The following ABTB3 variants were observed in gnomAD, a reference collection of about 807,000 sequenced individuals.
ABTB3 encodes the protein ankyrin repeat- and BTB/POZ domain-containing protein 3.
chr12:107,441,155 G>A, the ABTB3 span, among the ~76,000 whole-genome samples: 1,919 of 152,250 alleles, frequency 0.013, 17 homozygotes, highest in Non-Finnish European at 0.018. Flanking sequence ...GTGGCCACAC[G>A]CACGCACATA....
the ABTB3 span, chr12:107,544,050 G>T: frequency 6.2e-7 from 1 of 1,614,046 alleles, no homozygotes; most frequent in Non-Finnish European, 8.5e-7. Flanking sequence ...CCGAGGCCCT[G>T]TACACCCTTT....
chr12:107,610,385 C>G, the ABTB3 span: 2 of 1,608,268 alleles, frequency 1.2e-6, no homozygotes, highest in Non-Finnish European at 1.7e-6. Flanking sequence ...GAACAGGCTC[C>G]CCACCTCCTC....
At chr12:107,404,728 C>T in the ABTB3 span, among the ~76,000 whole-genome samples, 1 of 152,146 alleles carries the variant, frequency 6.6e-6, no homozygotes, top group Non-Finnish European at 1.5e-5. Context: ...GGTGCTTTTT[C>T]ACTGCCACAG....
chr12:107,649,585 T>C, the ABTB3 span: 1 of 366,282 alleles, frequency 2.7e-6, no homozygotes, highest in Non-Finnish European at 5.1e-6. Flanking sequence ...AGGGAAGGAA[T>C]TTGACTGAAA....
the ABTB3 span, among the ~76,000 whole-genome samples, chr12:107,487,675 T>C: frequency 1.3e-5 from 2 of 152,188 alleles, no homozygotes; most frequent in Non-Finnish European, 2.9e-5. Context: ...CCAGTAGGGT[T>C]GATCTTCAAG....
chr12:107,525,555 G>T, the ABTB3 span, among the ~76,000 whole-genome samples: 6 of 152,082 alleles, frequency 3.9e-5, no homozygotes, highest in Non-Finnish European at 1.5e-5. Flanking sequence ...AGTAGGCTCT[G>T]CCCCTAGGTT....
the ABTB3 span, among the ~76,000 whole-genome samples, chr12:107,483,376 G>T: frequency 2.0e-5 from 3 of 152,152 alleles, no homozygotes; most frequent in African/African-American, 7.2e-5. Flanking sequence ...TAGTTTTCCT[G>T]TAGGGAATAT....
At chr12:107,538,100 G>A in the ABTB3 span, among the ~76,000 whole-genome samples, 168 of 152,096 alleles carry the variant, frequency 1.1e-3, 2 homozygotes, top group African/African-American at 3.9e-3. Context: ...ACCAACAGAT[G>A]CCAGTGGAAG....
At chr12:107,358,643 G>A in the ABTB3 span, among the ~76,000 whole-genome samples, 3 of 152,108 alleles carry the variant, frequency 2.0e-5, no homozygotes, top group South Asian at 6.2e-4. Flanking sequence ...CACCCAGGCT[G>A]CAGTGCAGTG....
the ABTB3 span, among the ~76,000 whole-genome samples, chr12:107,571,649 A>G: frequency 6.6e-6 from 1 of 152,256 alleles, no homozygotes; most frequent in African/African-American, 2.4e-5. Context: ...AGCCTCACAC[A>G]GAGTCTGTGG....
the ABTB3 span, among the ~76,000 whole-genome samples, chr12:107,645,175 C>G: frequency 1.3e-5 from 2 of 152,128 alleles, no homozygotes; most frequent in Non-Finnish European, 2.9e-5. Flanking sequence ...CCATGTCGGC[C>G]AGGCTGGTCT....
At chr12:107,546,787 C>G in the ABTB3 span, among the ~76,000 whole-genome samples, 1 of 152,162 alleles carries the variant, frequency 6.6e-6, no homozygotes, top group Non-Finnish European at 1.5e-5. Context: ...ATCGCTTGAA[C>G]CCAGGAGGCG....
the ABTB3 span, among the ~76,000 whole-genome samples, chr12:107,503,868 G>T: frequency 1.3e-5 from 2 of 152,060 alleles, no homozygotes; most frequent in Non-Finnish European, 2.9e-5. Context: ...AAGGCTTCTT[G>T]GGGTGGAAGG....
chr12:107,357,062 G>A, the ABTB3 span, among the ~76,000 whole-genome samples: 3 of 152,222 alleles, frequency 2.0e-5, no homozygotes, highest in Admixed American at 1.3e-4. Flanking sequence ...GAGGAATCTC[G>A]TGAATTACAG....
At chr12:107,365,309 T>C in the ABTB3 span, among the ~76,000 whole-genome samples, 1 of 152,234 alleles carries the variant, frequency 6.6e-6, no homozygotes, top group Non-Finnish European at 1.5e-5. Context: ...AGCAAACTTT[T>C]CTGAACCCTC....
chr12:107,359,235 T>C, the ABTB3 span, among the ~76,000 whole-genome samples: 2 of 152,224 alleles, frequency 1.3e-5, no homozygotes, highest in African/African-American at 2.4e-5. Flanking sequence ...GCCCAAGAGA[T>C]GGGATCATTG....
At chr12:107,440,422 C>T in the ABTB3 span, among the ~76,000 whole-genome samples, 245 of 152,362 alleles carry the variant, frequency 1.6e-3, 1 homozygote, top group African/African-American at 5.7e-3. Context: ...TGACCCTTCT[C>T]GTCCTTCCTG....
At chr12:107,610,408 C>T in the ABTB3 span, 1 of 1,595,014 alleles carries the variant, frequency 6.3e-7, no homozygotes, top group Non-Finnish European at 8.6e-7. Context: ...TGTGCATCAC[C>T]CCTGGCAAGA....
chr12:107,474,702 GAAC>G, the ABTB3 span, among the ~76,000 whole-genome samples: 2 of 152,096 alleles, frequency 1.3e-5, no homozygotes, highest in African/African-American at 2.4e-5. Context: ...GAATGAGAGA[GAAC>G]AATAGGAAAA....
Sources: gnomAD v4.1 joint callset for allele counts (sites outside exome capture counted in the v4.1 genomes callset) on GRCh38, gnomAD v4.1.1 for gene constraint, MANE v1.5 for transcripts, NCBI Gene and HGNC (gene_info 2026-07-23, HGNC 2026-07-21) for gene names.